The following GLIS3 variants were observed in gnomAD, a reference collection of about 807,000 sequenced individuals.
The protein encoded by GLIS3 is GLIS family zinc finger 3, also known as zinc finger protein GLIS3.
A neutral mutation model predicts 78.6 loss-of-function variants in GLIS3; 53 were observed. The ratio of observed to expected loss-of-function variants is 0.67; its 90% CI spans 0.54 to 0.85. The LOEUF (loss-of-function observed/expected upper bound fraction) is 0.85, where lower values mean the gene tolerates loss of function less well. GLIS3 is among the 40% of genes least tolerant of loss of function. GLIS3 has a pLI of 0.00. For missense variants in GLIS3, 1,703 were observed against 1,231.1 expected (o/e 1.38, Z -5.74); for synonymous variants, 684 against 509.9 (o/e 1.34, Z -4.60).
chr9:4,044,478 A>C (rs1344132793), intron 4 of GLIS3, among the ~76,000 whole-genome samples: 1 of 151,894 alleles, frequency 6.6e-6, no homozygotes, highest in Non-Finnish European at 1.5e-5. Context: ...TGTTCCTGCT[A>C]CTCCACGCCT....
At chr9:4,205,964 G>C (rs776909461) in intron 2 of GLIS3, among the ~76,000 whole-genome samples, 1 of 152,056 alleles carries the variant, frequency 6.6e-6, no homozygotes, top group Non-Finnish European at 1.5e-5. Flanking sequence ...GTTTGTTTTT[G>C]TTCATTGTTT....
At chr9:3,865,365 C>T (rs1261785198) in intron 8 of GLIS3, among the ~76,000 whole-genome samples, 1 of 152,164 alleles carries the variant, frequency 6.6e-6, no homozygotes, top group Non-Finnish European at 1.5e-5. Context: ...CTAGATCGCG[C>T]CTTTAAAAGA....
chr9:3,941,443 T>A (rs1359902181), intron 4 of GLIS3, among the ~76,000 whole-genome samples: 1 of 152,146 alleles, frequency 6.6e-6, no homozygotes, highest in Admixed American at 6.5e-5. Context: ...TAGTTACATA[T>A]GTATACATGT....
intron 2 of GLIS3, among the ~76,000 whole-genome samples, chr9:4,280,675 A>G (rs1304850100): frequency 6.6e-6 from 1 of 152,170 alleles, no homozygotes; most frequent in African/African-American, 2.4e-5. Context: ...CACCTGGGAA[A>G]GCTGTTTGAA....
chr9:3,954,734 T>C (rs191610185), intron 4 of GLIS3, among the ~76,000 whole-genome samples: 218 of 152,376 alleles, frequency 1.4e-3, no homozygotes, highest in Middle Eastern at 6.8e-3. Flanking sequence ...GATTAAGCTC[T>C]GTATCTTATG....
chr9:4,312,089 G>A (rs1302386894), intron 2 of GLIS3, among the ~76,000 whole-genome samples: 1 of 152,166 alleles, frequency 6.6e-6, no homozygotes, highest in Non-Finnish European at 1.5e-5. Flanking sequence ...CGCATGACAT[G>A]AGTTTACCTG....
chr9:4,333,526 G>C (rs540759587), intron 2 of GLIS3, among the ~76,000 whole-genome samples: 1 of 152,160 alleles, frequency 6.6e-6, no homozygotes, highest in Admixed American at 6.5e-5. Flanking sequence ...ACAAGATCTT[G>C]CTCAATGACC....
intron 2 of GLIS3, among the ~76,000 whole-genome samples, chr9:4,163,514 C>T (rs1835666033): frequency 6.6e-6 from 1 of 152,256 alleles, no homozygotes; most frequent in African/African-American, 2.4e-5. Context: ...AGCCTGGCCA[C>T]ATGTAGCCTC....
intron 4 of GLIS3, among the ~76,000 whole-genome samples, chr9:4,055,900 C>T (rs568653334): frequency 4.6e-5 from 7 of 152,152 alleles, no homozygotes; most frequent in South Asian, 2.1e-4. Context: ...GAATGAACAT[C>T]GATGGCAGTG....
intron 4 of GLIS3, among the ~76,000 whole-genome samples, chr9:4,050,457 G>A (rs1588541658): frequency 6.6e-6 from 1 of 152,166 alleles, no homozygotes; most frequent in South Asian, 2.1e-4. Flanking sequence ...GTGGGTGGGG[G>A]TCTGGGGGAG....
At chr9:4,268,110 G>A (rs997059868) in intron 2 of GLIS3, among the ~76,000 whole-genome samples, 9 of 152,150 alleles carry the variant, frequency 5.9e-5, no homozygotes, top group African/African-American at 2.2e-4. Flanking sequence ...TTAAAAGCAT[G>A]TATTCTAGAG....
chr9:4,008,060 CCA>C (rs1294149321), intron 4 of GLIS3, among the ~76,000 whole-genome samples: 3 of 152,152 alleles, frequency 2.0e-5, no homozygotes, highest in African/African-American at 4.8e-5. Context: ...GGCCTTAATT[CCA>C]CAGTTTCTTA....
At chr9:4,237,914 T>C (rs1337593136) in intron 2 of GLIS3, among the ~76,000 whole-genome samples, 2 of 152,232 alleles carry the variant, frequency 1.3e-5, no homozygotes, top group African/African-American at 4.8e-5. Flanking sequence ...GTTAATTCAC[T>C]AGCCCAGCAG....
At chr9:3,959,562 C>A (rs1817398664) in intron 4 of GLIS3, among the ~76,000 whole-genome samples, 2 of 152,192 alleles carry the variant, frequency 1.3e-5, no homozygotes, top group South Asian at 4.1e-4. Flanking sequence ...CCAATCTCTG[C>A]CACATCTGTG....
At chr9:4,490,037 G>A in the GLIS3 span, among the ~76,000 whole-genome samples, 1 of 152,342 alleles carries the variant, frequency 6.6e-6, no homozygotes, top group East Asian at 1.9e-4. Context: ...GGGACCCAAG[G>A]CAGGATCAGC....
intron 4 of GLIS3, chr9:4,070,908 C>G (rs1827545077): frequency 6.6e-6 from 1 of 152,132 alleles, no homozygotes; most frequent in African/African-American, 2.4e-5. Context: ...TTAAAGCACC[C>G]TGCTTTATGT....
chr9:4,087,596 C>T (rs182244078), intron 4 of GLIS3, among the ~76,000 whole-genome samples: 2 of 151,964 alleles, frequency 1.3e-5, no homozygotes, highest in East Asian at 3.9e-4. Flanking sequence ...GGGCTCTGGC[C>T]TCATAGAGCT....
chr9:4,388,790 G>C, the GLIS3 span, among the ~76,000 whole-genome samples: 1 of 152,172 alleles, frequency 6.6e-6, no homozygotes, highest in Non-Finnish European at 1.5e-5. Context: ...AAGAAAGAGA[G>C]TAAGAATAAA....
At chr9:4,350,090 G>A (rs1052580420), upstream of GLIS3, among the ~76,000 whole-genome samples, 1 of 152,214 alleles carries the variant, frequency 6.6e-6, no homozygotes, top group African/African-American at 2.4e-5. Context: ...AGAGACAGCT[G>A]ATAGCAGCAT....
Sources: gnomAD v4.1 joint callset for allele counts (sites outside exome capture counted in the v4.1 genomes callset) on GRCh38, gnomAD v4.1.1 for gene constraint, MANE v1.5 for transcripts, NCBI Gene and HGNC (gene_info 2026-07-23, HGNC 2026-07-21) for gene names.